The following RPS17 variants were observed in gnomAD, a reference collection of about 807,000 sequenced individuals.
RPS17 encodes the protein small ribosomal subunit protein eS17.
For missense variants in RPS17, 68 were observed against 182.3 expected (o/e 0.37, Z 3.61); for synonymous variants, 75 against 65.6 (o/e 1.14, Z -0.70).
In RPS17 at chr15:82,536,791, C is replaced by A. The variant is rs1469738496; in HGVS notation, c.*10G>T. The A allele has an allele frequency of 4.8e-5, 77 of 1,613,800 alleles. No individual in the cohort carries two copies. The highest frequency in any genetic ancestry group is 6.4e-5 in the Non-Finnish European group (76 of 1,179,844). ...ATTTATTGAAAATAATACAGCACTA[C>A]AGAAAAAATTCAAACAGGTCCCCGA... On this transcript the variant is annotated 3_prime_UTR_variant, in exon 5 of 5. Coordinates refer to ENST00000647841, the MANE Select transcript of RPS17 (RefSeq NM_001021.6).
In RPS17 at chr15:82,537,122, C is replaced by T. The variant is rs1166867117; in HGVS notation, c.328-241G>A. On this transcript the variant is annotated intron_variant, in intron 4 of 4. Coordinates refer to ENST00000647841, the MANE Select transcript of RPS17 (RefSeq NM_001021.6). ...AACTCTATGACTTTTACCCAATGTA[C>T]CATGCCATTTGTATCTGTTTTCACA... 5.0e-6 allele frequency: 3 copies of T among 605,280 alleles called. No individual in the cohort carries two copies. The Admixed American group carries it at 8.6e-5, about 17-fold the overall frequency. The allele number at this position is 605,280 out of a possible 1,614,324, so 37.5% of individuals were successfully genotyped here.
chr15:82,539,227 T>TCCCC, intron 2 of RPS17: 1 of 606,026 alleles, frequency 1.7e-6, no homozygotes, highest in Non-Finnish European at 3.0e-6. Flanking sequence ...CACCCCCAAC[T>TCCCC]CGCCCCGCCC....
At position 82,540,452 on chromosome 15, in the gene RPS17, G is replaced by A. The variant is rs751731453; in HGVS notation, c.-24C>T. ...ATGTTGGCGGGTCCTTGGTAAAAGA[G>A]GAAACAGGAAGCACAGGCGAAGCCT... is the stretch of plus-strand genomic sequence containing the variant. On this transcript the variant is annotated 5_prime_UTR_variant, in exon 1 of 5. Transcript: ENST00000647841. 114 of 1,589,754 alleles carry A rather than the reference G, an allele frequency of 7.2e-5. No homozygotes were observed. Among genetic ancestry groups the A allele is most frequent in the Non-Finnish European group, 8.3e-5 (97 of 1,169,378 alleles).
chr15:82,538,843 A>C, intron 3 of RPS17, 37 bp downstream of exon 3: 1 of 1,600,194 alleles, frequency 6.2e-7, no homozygotes, highest in Non-Finnish European at 8.6e-7. Context: ...TTATCATTTG[A>C]GGATTAGCCA....
chr15:82,538,426 TCTC>T (rs2034277909), intron 3 of RPS17, 55 bp from the exon 4 acceptor site: 10 of 1,581,292 alleles, frequency 6.3e-6, no homozygotes, highest in East Asian at 2.2e-5. Context: ...ATCACTCACC[TCTC>T]CTCCTCCTCT....
At position 82,540,118 on chromosome 15, in the gene RPS17, G is replaced by A; in HGVS notation, c.18C>T (p.Thr6=). 1.2e-6 allele frequency: 2 copies of A among 1,613,686 alleles called. No homozygotes were observed. The highest frequency in any genetic ancestry group is 3.3e-5 in the Admixed American group (2 of 60,026). ...CCCGGGCCGCCTTCTTCACGGTTTT[G>A]GTGCGAACGCGGCCCTGCGGGTGGA... MGRVR[T]KTVKKAARVI... The change falls in exon 2 of 5, where the codon ACC becomes ACT. Residue 6 remains threonine (T), a synonymous_variant. Coordinates refer to ENST00000647841, the MANE Select transcript of RPS17 (RefSeq NM_001021.6).
intron 4 of RPS17, chr15:82,537,336 A>C (rs944744275): frequency 6.2e-5 from 18 of 288,396 alleles, no homozygotes; most frequent in Non-Finnish European, 1.1e-4. Context: ...GTGTCTGGAC[A>C]TTGCCAAATG....
At position 82,538,358 on chromosome 15, in the gene RPS17, T is replaced by C; in HGVS notation, c.275A>G (p.Asp92Gly). 6.2e-7 allele frequency: 1 copy of C among 1,612,438 alleles called. No individual in the cohort carries two copies. Among genetic ancestry groups the C allele is most frequent in the Non-Finnish European group, 8.5e-7 (1 of 1,179,792 alleles). Residue 92 changes from aspartate (D) to glycine (G), a missense_variant, in exon 4 of 5, where the codon GAT (aspartate) becomes GGT (glycine). Coordinates refer to ENST00000647841, the MANE Select transcript of RPS17 (RefSeq NM_001021.6). Reference sequence around the variant, plus strand: ...AGGATCTACTTCAATAATCTCCTGATCCAAGGCTGAGACCTACAAGGAAAC... The same window carrying C: ...AGGATCTACTTCAATAATCTCCTGACCCAAGGCTGAGACCTACAAGGAAAC... ...DNYVPEVSAL[D>G]QEIIEVDPDT...
At chr15:82,540,206 C>G in intron 1 of RPS17, 74 bp from the exon 2 acceptor site, 1 of 1,612,418 alleles carries the variant, frequency 6.2e-7, no homozygotes, top group Non-Finnish European at 8.5e-7. Flanking sequence ...CGAGCCCCGG[C>G]CGGTGTGGTT....
intron 2 of RPS17, 33 bp from the exon 3 acceptor site, chr15:82,539,018 A>G (rs2034291484): frequency 6.2e-7 from 1 of 1,606,522 alleles, no homozygotes; most frequent in Non-Finnish European, 8.5e-7. Context: ...GAGAACAGTG[A>G]GAAGACAAAT....
At chr15:82,539,944 T>A (rs1397621545) in intron 2 of RPS17, 37 bp downstream of exon 2, 56 of 1,611,694 alleles carry the variant, frequency 3.5e-5, no homozygotes, top group Non-Finnish European at 4.5e-5. Context: ...CACAAACAGA[T>A]CGCGGAGCCC....
In RPS17 at chr15:82,539,032, C is replaced by G. The variant is rs1469340684; in HGVS notation, c.156-47G>C. The G allele has an allele frequency of 5.7e-6, 9 of 1,574,034 alleles. No homozygotes were observed. In the African/African-American group the frequency reaches 1.2e-4, roughly 21 times the overall value. ...AGAGAACAGTGAGAAGACAAATCAA[C>G]TCCCACCTGGTACTGAGCACATGTG... is the stretch of plus-strand genomic sequence containing the variant. On this transcript the variant is annotated intron_variant, in intron 2 of 4. Coordinates refer to ENST00000647841, the MANE Select transcript of RPS17 (RefSeq NM_001021.6).
At chr15:82,538,735 G>T (rs2150887674) in intron 3 of RPS17, 145 bp downstream of exon 3, 3 of 841,738 alleles carry the variant, frequency 3.6e-6, no homozygotes, top group South Asian at 2.7e-5. Flanking sequence ...TAAGAAACTG[G>T]TAGGGGGCCT....
chr15:82,537,039 A>G (rs1442665129), intron 4 of RPS17, 158 bp from the exon 5 acceptor site: 22 of 751,836 alleles, frequency 2.9e-5, no homozygotes, highest in African/African-American at 2.2e-4. Context: ...AATGCCTCCC[A>G]CTTTTCCAGA....
chr15:82,538,962 C>T lies in RPS17; in HGVS notation c.179G>A (p.Arg60Gln). The change falls in exon 3 of 5, where the codon CGA becomes CAA. Residue 60 changes from arginine to glutamine, a missense_variant. Arg to Gln is a conservative substitution (Grantham distance 43). Coordinates refer to ENST00000647841, the MANE Select transcript of RPS17 (RefSeq NM_001021.6). ...ACCTCTTACTGGGCCTCTCTGAATT[C>T]GCTTCATCAGATGCGTGACATAACT... Reference protein sequence around the residue: ...IAGYVTHLMKRIQRGPVRGIS... With the variant: ...IAGYVTHLMKQIQRGPVRGIS... 2 of 1,613,974 alleles carry T rather than the reference C, an allele frequency of 1.2e-6. No individual in the cohort carries two copies. The highest frequency in any genetic ancestry group is 1.7e-6 in the Non-Finnish European group (2 of 1,179,882).
intron 2 of RPS17, chr15:82,539,311 T>C: frequency 3.9e-6 from 2 of 514,020 alleles, no homozygotes; most frequent in Non-Finnish European, 7.5e-6. Flanking sequence ...TGGCAATTAA[T>C]ACGTTGACTT....
Position 82,538,870 on chromosome 15 carries a change from G to T in RPS17, c.261+10C>A. 3.7e-6 allele frequency: 6 copies of T among 1,613,730 alleles called. No homozygotes were observed. Among genetic ancestry groups the T allele is most frequent in the Non-Finnish European group, 5.1e-6 (6 of 1,179,718 alleles). The stretch of plus-strand genomic sequence containing the variant: ...GATTAGCCAGAAGCCCAAATATCCA[G>T]AAAGTTTACCTCAGGAACATAATTG... On this transcript the variant is annotated intron_variant, in intron 3 of 4. Transcript: ENST00000647841.
intron 2 of RPS17, 123 bp downstream of exon 2, chr15:82,539,858 C>T: frequency 6.6e-7 from 1 of 1,509,294 alleles, no homozygotes; most frequent in Non-Finnish European, 9.2e-7. Context: ...TAGCCCTTCT[C>T]CGGGACACCA....
intron 2 of RPS17, chr15:82,539,254 G>T (rs1328715301): frequency 1.7e-6 from 1 of 605,952 alleles, no homozygotes; most frequent in East Asian, 3.4e-5. Context: ...GCAGTTTCAC[G>T]ACCCTTCACA....
Sources: allele counts gnomAD v4.1 joint callset, GRCh38; gene constraint gnomAD v4.1.1; transcripts MANE v1.5; gene names NCBI Gene and HGNC (gene_info 2026-07-23, HGNC 2026-07-21).